The following CLMN variants were observed in gnomAD, a reference collection of about 807,000 sequenced individuals.
CLMN encodes the protein calmin, also known as calmin (calponin-like, transmembrane).
CLMN carries 57 observed loss-of-function variants against 92.7 expected under a neutral mutation model. The observed-to-expected ratio is 0.61, with a 90% CI of 0.50 to 0.77. The LOEUF is 0.77. Ranked by LOEUF, CLMN falls within the 30% of genes least tolerant of loss-of-function variation. CLMN has a pLI of 0.00. For synonymous variants in CLMN, 466 were observed against 470.6 expected (o/e 0.99, Z 0.13); for missense variants, 1,158 against 1,237.5 (o/e 0.94, Z 0.96).
chr14:95,257,532 G>A (rs1245943360), intron 1 of CLMN, among the ~76,000 whole-genome samples: 2 of 152,216 alleles, frequency 1.3e-5, no homozygotes, highest in African/African-American at 2.4e-5. Context: ...AAGGGCCTGG[G>A]TGGGACGGCA....
chr14:95,236,126 G>A (rs752639830), intron 1 of CLMN, among the ~76,000 whole-genome samples: 2 of 152,196 alleles, frequency 1.3e-5, no homozygotes, highest in Admixed American at 6.5e-5. Context: ...ACATTCCTGC[G>A]CAGCTGCTCT....
intron 1 of CLMN, among the ~76,000 whole-genome samples, chr14:95,308,007 C>T (rs529738300): frequency 1.1e-4 from 17 of 152,162 alleles, no homozygotes; most frequent in Non-Finnish European, 2.4e-4. Context: ...GGGATGGCTC[C>T]GCTTTATCAT....
intron 1 of CLMN, among the ~76,000 whole-genome samples, chr14:95,231,774 T>C (rs776737254): frequency 1.4e-4 from 21 of 152,146 alleles, no homozygotes; most frequent in Non-Finnish European, 2.9e-4. Flanking sequence ...AGGCTTGAGT[T>C]TGGATTCCAG....
Position 95,194,421 on chromosome 14 carries a change from A to C in CLMN, c.2769+115T>G. The C allele has an allele frequency of 6.4e-7, 1 of 1,571,598 alleles. No individual in the cohort carries two copies. The highest frequency in any genetic ancestry group is 1.4e-5 in the African/African-American group (1 of 73,252). On this transcript the variant is annotated intron_variant, in intron 11 of 12. Coordinates refer to ENST00000298912, the MANE Select transcript of CLMN (RefSeq NM_024734.4). The surrounding 1 kb of genome is among the most constrained non-coding windows in gnomAD (Gnocchi z 4.0). ...TTCCAATCTGCTTGTCTTCTATCCA[A>C]AAGTATAGCTGTTGCATGCCAGTAA...
rs10150650 is a variant in CLMN at position 95,220,468 on chromosome 14, C to T, written c.324+1223G>A. 7.3e-3 allele frequency among the ~76,000 whole-genome samples: 1,118 copies of T among 152,300 alleles called. 11 individuals carry two copies. The highest frequency in any genetic ancestry group is 0.025 in the African/African-American group (1,056 of 41,586). ...CTGGGATTACAGGCGTGAGCCACCG[C>T]GCCCAGCCATCTAAGTCACATTTTG... On this transcript the variant is annotated intron_variant, in intron 4 of 12. Transcript: ENST00000298912.
intron 1 of CLMN, among the ~76,000 whole-genome samples, chr14:95,277,501 A>G (rs1899978956): frequency 6.6e-6 from 1 of 152,228 alleles, no homozygotes; most frequent in Non-Finnish European, 1.5e-5. Flanking sequence ...TCTAAAAATT[A>G]TCTTGAGCAG....
chr14:95,315,493 C>T (rs769133762), intron 1 of CLMN, among the ~76,000 whole-genome samples: 1 of 152,152 alleles, frequency 6.6e-6, no homozygotes, highest in Admixed American at 6.5e-5. Context: ...AGTCCAAGTT[C>T]GCATGAGGGA....
At chr14:95,255,279 C>G (rs1011464135) in intron 1 of CLMN, among the ~76,000 whole-genome samples, 1 of 152,206 alleles carries the variant, frequency 6.6e-6, no homozygotes. Context: ...TAGTTCCCCC[C>G]ATCTGCAGTT....
In CLMN at chr14:95,185,891, C is replaced by CCACGGAAGGAGAACAGCTCCT. The variant is rs1466762023; in HGVS notation, c.*5652_*5672dup. The CCACGGAAGGAGAACAGCTCCT allele has an allele frequency of 6.6e-6, 1 of 152,186 alleles. No individual in the cohort carries two copies. The highest frequency in any genetic ancestry group is 2.4e-5 in the African/African-American group (1 of 41,444). 9.4% of individuals were successfully genotyped at this position (152,186 alleles called of 1,614,324 possible). On this transcript the variant is annotated 3_prime_UTR_variant, in exon 13 of 13. Coordinates refer to ENST00000298912, the MANE Select transcript of CLMN (RefSeq NM_024734.4). ...ATACAACTGCCTTCCAATGGCATGA[C>CCACGGAAGGAGAACAGCTCCT]CACGGAAGGAGAACAGCTCCTCACC...
chr14:95,227,483 G>A (rs1298064541), intron 2 of CLMN, among the ~76,000 whole-genome samples: 16 of 152,286 alleles, frequency 1.1e-4, no homozygotes, highest in African/African-American at 9.6e-5. Flanking sequence ...GGCAGAAAAC[G>A]CGAGACCCGA....
At chr14:95,255,445 T>C (rs893496629) in intron 1 of CLMN, among the ~76,000 whole-genome samples, 1 of 152,176 alleles carries the variant, frequency 6.6e-6, no homozygotes, top group South Asian at 2.1e-4. Flanking sequence ...TTGTTGTTAA[T>C]CTCTCACTGT....
At chr14:95,249,810 G>A (rs558860759) in intron 1 of CLMN, among the ~76,000 whole-genome samples, 26 of 152,210 alleles carry the variant, frequency 1.7e-4, no homozygotes, top group African/African-American at 6.0e-4. Context: ...AGCCAGGGTG[G>A]TCTTGATCTC....
intron 7 of CLMN, 94 bp downstream of exon 7, chr14:95,210,592 G>T: frequency 7.5e-7 from 1 of 1,332,522 alleles, no homozygotes; most frequent in Non-Finnish European, 1.0e-6. Flanking sequence ...TTCTTCATTA[G>T]ATTTTTCTGT....
chr14:95,307,741 G>C (rs972818204), intron 1 of CLMN: 1 of 152,036 alleles, frequency 6.6e-6, no homozygotes, highest in Non-Finnish European at 1.5e-5. Context: ...GAGAGAGCCA[G>C]CTCTCCAAGA....
At chr14:95,307,743 T>A (rs1391928826) in intron 1 of CLMN, 2 of 151,826 alleles carry the variant, frequency 1.3e-5, no homozygotes, top group East Asian at 3.9e-4. Context: ...GAGAGCCAGC[T>A]CTCCAAGAGA....
intron 1 of CLMN, among the ~76,000 whole-genome samples, chr14:95,253,915 A>C (rs2140684031): frequency 6.6e-6 from 1 of 152,304 alleles, no homozygotes; most frequent in South Asian, 2.1e-4. Context: ...CACAAGGCCC[A>C]TTAACACAGT....
intron 1 of CLMN, among the ~76,000 whole-genome samples, chr14:95,271,559 C>A (rs1195429969): frequency 6.6e-6 from 1 of 152,202 alleles, no homozygotes; most frequent in Non-Finnish European, 1.5e-5. Flanking sequence ...CTAAAATTAT[C>A]ATGCAGATCT....
chr14:95,268,707 C>T (rs1566905173), intron 1 of CLMN, among the ~76,000 whole-genome samples: 1 of 151,572 alleles, frequency 6.6e-6, no homozygotes, highest in Non-Finnish European at 1.5e-5. Flanking sequence ...GTTCTTCCTC[C>T]TGGCTGTGAT....
At chr14:95,298,450 C>T (rs192359035) in intron 1 of CLMN, among the ~76,000 whole-genome samples, 3 of 152,258 alleles carry the variant, frequency 2.0e-5, no homozygotes, top group African/African-American at 4.8e-5. Flanking sequence ...CTGTTCAAGG[C>T]GCCACACGGC....
Sources: allele counts gnomAD v4.1 joint callset (sites outside exome capture counted in the v4.1 genomes callset), GRCh38; gene constraint gnomAD v4.1.1; non-coding constraint Gnocchi (gnomAD v3.1); transcripts MANE v1.5; gene names NCBI Gene and HGNC (gene_info 2026-07-23, HGNC 2026-07-21).